Variants in FARS2 observed in about 807,000 individuals in gnomAD.
The protein encoded by FARS2 is phenylalanyl-tRNA synthetase 2, mitochondrial, also known as phenylalanine--tRNA ligase, mitochondrial.
In FARS2, 40 loss-of-function variants were observed where a neutral mutation model predicts 46.4. That is an observed-to-expected ratio of 0.86 (90% CI 0.67 to 1.12). FARS2 has a LOEUF of 1.12. FARS2 is among the 50% of genes most tolerant of loss of function. FARS2 has a pLI of 0.00. For synonymous variants in FARS2, 234 were observed against 214.9 expected, an observed-to-expected ratio of 1.09 and a Z score of -0.78; for missense variants, 513 against 567.9, an observed-to-expected ratio of 0.90 and a Z score of 0.98.
At chr6:5,559,227 A>G (rs1300630839) in intron 5 of FARS2, among the ~76,000 whole-genome samples, 1 of 151,966 alleles carries the variant, frequency 6.6e-6, no homozygotes, top group African/African-American at 2.4e-5. Flanking sequence ...ACATAGAGAG[A>G]CCCCGTCTTT....
intron 3 of FARS2, among the ~76,000 whole-genome samples, chr6:5,415,912 G>T (rs1316944234): frequency 6.6e-6 from 1 of 151,948 alleles, no homozygotes; most frequent in African/African-American, 2.4e-5. Flanking sequence ...TCACTATATT[G>T]TCCAGGCTGG....
In FARS2 at chr6:5,341,235, A is replaced by ATTTTTTTTTT. The variant is rs70974193; in HGVS notation, c.-21-27302_-21-27293dup. On this transcript the variant is annotated intron_variant, in intron 1 of 6. Transcript: ENST00000274680. ...TATATATATATATATATATATATAT[A>ATTTTTTTTTT]TTTTTTTTTTTTTTTTTTTTTTCCC... Among the ~76,000 whole-genome samples, 17 of 10,272 alleles carry ATTTTTTTTTT rather than the reference A, an allele frequency of 1.7e-3. 2 individuals carry two copies. The highest frequency in any genetic ancestry group is 2.6e-3 in the African/African-American group (10 of 3,880). 6.7% of individuals were successfully genotyped at this position (10,272 alleles called of 152,430 possible).
At chr6:5,517,914 G>A (rs578092511) in intron 4 of FARS2, among the ~76,000 whole-genome samples, 2 of 152,332 alleles carry the variant, frequency 1.3e-5, no homozygotes, top group Admixed American at 1.3e-4. Flanking sequence ...CTTGGCCTGG[G>A]CTGTGCTAGA....
Position 5,472,704 on chromosome 6 carries a change from A to G in FARS2, c.904+41532A>G, listed in dbSNP as rs574912802. Among the ~76,000 whole-genome samples the G allele has an allele frequency of 7.9e-4, 120 of 152,248 alleles. 1 individual carries two copies. Among genetic ancestry groups the G allele is most frequent in the African/African-American group, 2.8e-3 (118 of 41,532 alleles). On this transcript the variant is annotated intron_variant, in intron 4 of 6. Transcript: ENST00000274680. ...GATGTCCTAGGTGGTCCAAGGTGCA[A>G]TTATCTCGTAAGAGCTTAGCAGGCA...
At chr6:5,612,097 G>A (rs1418040810) in intron 5 of FARS2, among the ~76,000 whole-genome samples, 1 of 151,490 alleles carries the variant, frequency 6.6e-6, no homozygotes, top group Non-Finnish European at 1.5e-5. Context: ...AACAGCACCC[G>A]GATGCTAACT....
At chr6:5,402,382 C>T (rs114278340) in intron 2 of FARS2, among the ~76,000 whole-genome samples, 2,114 of 126,112 alleles carry the variant, frequency 0.017, 47 homozygotes, top group Middle Eastern at 0.026. Flanking sequence ...TTTTAGTGCT[C>T]CTTAGTTTTG....
intron 4 of FARS2, among the ~76,000 whole-genome samples, chr6:5,534,510 C>T (rs1170311438): frequency 2.6e-5 from 4 of 152,158 alleles, no homozygotes; most frequent in Non-Finnish European, 5.9e-5. Flanking sequence ...TAAGGGAAAG[C>T]TTAGATTTTT....
At chr6:5,521,472 G>A (rs1383174899) in intron 4 of FARS2, among the ~76,000 whole-genome samples, 1 of 152,054 alleles carries the variant, frequency 6.6e-6, no homozygotes, top group East Asian at 1.9e-4. Context: ...GTCCCCATAC[G>A]GGTGCAGTGT....
At chr6:5,554,073 C>T (rs1771517307) in intron 5 of FARS2, among the ~76,000 whole-genome samples, 1 of 151,916 alleles carries the variant, frequency 6.6e-6, no homozygotes, top group Non-Finnish European at 1.5e-5. Context: ...TTCTTTTTGC[C>T]CTAAATTTTT....
chr6:5,562,712 A>T (rs529974542), intron 5 of FARS2, among the ~76,000 whole-genome samples: 1 of 151,982 alleles, frequency 6.6e-6, no homozygotes, highest in African/African-American at 2.4e-5. Flanking sequence ...ACACACACAC[A>T]CACACACACA....
chr6:5,722,647 G>A (rs1185067728), intron 6 of FARS2, among the ~76,000 whole-genome samples: 1 of 152,170 alleles, frequency 6.6e-6, no homozygotes, highest in Non-Finnish European at 1.5e-5. Flanking sequence ...GAGAGAAAAG[G>A]TCAGTGAGGC....
At chr6:5,695,415 C>G (rs1253660497) in intron 6 of FARS2, 1 of 152,286 alleles carries the variant, frequency 6.6e-6, no homozygotes, top group South Asian at 2.1e-4. Context: ...ATGTCTGTGA[C>G]TCATTTGCTG....
chr6:5,474,046 C>A (rs1765966132), intron 4 of FARS2, among the ~76,000 whole-genome samples: 1 of 152,154 alleles, frequency 6.6e-6, no homozygotes, highest in South Asian at 2.1e-4. Flanking sequence ...CTCCCAATAA[C>A]CAGCCCTTCA....
intron 4 of FARS2, among the ~76,000 whole-genome samples, chr6:5,516,786 T>C (rs1582328146): frequency 6.6e-6 from 1 of 152,234 alleles, no homozygotes; most frequent in Non-Finnish European, 1.5e-5. Context: ...CATTTTTTAA[T>C]TAACCAAGGA....
chr6:5,587,454 G>C (rs1203535323), intron 5 of FARS2, among the ~76,000 whole-genome samples: 1 of 152,134 alleles, frequency 6.6e-6, no homozygotes, highest in Non-Finnish European at 1.5e-5. Context: ...GCAAATAATT[G>C]ATTTGGCTTA....
intron 2 of FARS2, among the ~76,000 whole-genome samples, chr6:5,396,770 C>T (rs979116610): frequency 1.3e-5 from 2 of 152,302 alleles, no homozygotes; most frequent in Admixed American, 6.5e-5. Context: ...AGCGATCAGG[C>T]CTCTTGGTAG....
intron 3 of FARS2, among the ~76,000 whole-genome samples, chr6:5,412,598 C>T (rs1761997978): frequency 6.6e-6 from 1 of 152,110 alleles, no homozygotes; most frequent in South Asian, 2.1e-4. Flanking sequence ...GTCTTCCATA[C>T]CTTTTCATAT....
chr6:5,624,345 T>A (rs1451795816), intron 6 of FARS2, among the ~76,000 whole-genome samples: 1 of 152,118 alleles, frequency 6.6e-6, no homozygotes, highest in Non-Finnish European at 1.5e-5. Context: ...CCAAACACCT[T>A]GTTCCTCCTT....
chr6:5,351,918 G>C (rs1295159254), intron 1 of FARS2, among the ~76,000 whole-genome samples: 4 of 152,122 alleles, frequency 2.6e-5, no homozygotes, highest in Admixed American at 2.6e-4. Flanking sequence ...TGTGTTAGGG[G>C]CAGTACACTT....
Sources: allele counts gnomAD v4.1 joint callset (sites outside exome capture counted in the v4.1 genomes callset), GRCh38; gene constraint gnomAD v4.1.1; transcripts MANE v1.5; gene names NCBI Gene and HGNC (gene_info 2026-07-23, HGNC 2026-07-21).